Variants in TPTE observed in about 807,000 individuals in gnomAD.
TPTE encodes putative tyrosine-protein phosphatase TPTE.
Under a neutral mutation model 84.1 loss-of-function variants are expected in TPTE, and 59 were observed. The ratio of observed to expected loss-of-function variants is 0.70; its 90% CI spans 0.57 to 0.87. TPTE has a LOEUF of 0.87. Ranked by LOEUF, TPTE falls within the 40% of genes least tolerant of loss-of-function variation. The pLI, the probability that TPTE is intolerant of heterozygous loss-of-function variation, is 0.00. For missense variants in TPTE, 382 were observed against 659.6 expected, an observed-to-expected ratio of 0.58 and a Z score of 4.61; for synonymous variants, 130 against 223.5, an observed-to-expected ratio of 0.58 and a Z score of 3.73.
intron 17 of TPTE, among the ~76,000 whole-genome samples, chr21:10,589,709 T>C (rs1180718305): frequency 6.6e-6 from 1 of 152,308 alleles, no homozygotes; most frequent in Non-Finnish European, 1.5e-5. Flanking sequence ...AGAGGGATGC[T>C]GTCTGCCTGT....
At chr21:10,577,122 A>C (rs2075171662) in intron 14 of TPTE, among the ~76,000 whole-genome samples, 1 of 152,308 alleles carries the variant, frequency 6.6e-6, no homozygotes, top group African/African-American at 2.4e-5. Flanking sequence ...AACGAATATG[A>C]ATTAGATTTA....
intron 1 of TPTE, among the ~76,000 whole-genome samples, chr21:10,523,168 A>G (rs1392029546): frequency 6.6e-6 from 1 of 152,308 alleles, no homozygotes. Flanking sequence ...CATTACATAC[A>G]AAAGAAAAAA....
At chr21:10,558,410 A>T (rs1429006398) in intron 8 of TPTE, among the ~76,000 whole-genome samples, 1 of 152,306 alleles carries the variant, frequency 6.6e-6, no homozygotes, top group Admixed American at 6.5e-5. Context: ...CCTTGCCCGC[A>T]TCTGTTATTT....
chr21:10,534,697 T>C (rs1189217029), intron 3 of TPTE, among the ~76,000 whole-genome samples: 68 of 152,402 alleles, frequency 4.5e-4, no homozygotes, highest in Admixed American at 4.3e-3. Context: ...TTCATAAAGA[T>C]ACACACAAAT....
At chr21:10,553,619 T>A (rs2074622449) in intron 8 of TPTE, among the ~76,000 whole-genome samples, 1 of 152,312 alleles carries the variant, frequency 6.6e-6, no homozygotes, top group Non-Finnish European at 1.5e-5. Flanking sequence ...TCATTTTATT[T>A]TATTTTTAAA....
At chr21:10,547,956 C>G (rs1333858366) in intron 7 of TPTE, among the ~76,000 whole-genome samples, 1 of 152,310 alleles carries the variant, frequency 6.6e-6, no homozygotes. Flanking sequence ...CTGATACACC[C>G]ACAGGTCAAC....
rs545344460 is a variant in TPTE, at chr21:10,572,537, G to A, written c.795+1988G>A. 7.2e-5 allele frequency among the ~76,000 whole-genome samples: 11 copies of A among 152,144 alleles called. No homozygotes were observed. The East Asian group carries it at 9.7e-4, about 13-fold the overall frequency. On this transcript the variant is annotated intron_variant, in intron 14 of 23. Transcript: ENST00000618007. ...ATATAAGGGAAACTCCATTTGATTA[G>A]CAGTAGATTTCCCAGTGGAAACTTT...
At chr21:10,558,800 A>G (rs1404072955) in intron 8 of TPTE, among the ~76,000 whole-genome samples, 1 of 152,200 alleles carries the variant, frequency 6.6e-6, no homozygotes, top group Non-Finnish European at 1.5e-5. Context: ...AGGAGGCTTC[A>G]GTAGGACAAA....
chr21:10,547,134 T>C (rs1420729405), intron 7 of TPTE, among the ~76,000 whole-genome samples: 2 of 152,302 alleles, frequency 1.3e-5, no homozygotes, highest in African/African-American at 2.4e-5. Flanking sequence ...CAACAATCAT[T>C]GACTATTCTG....
intron 9 of TPTE, 28 bp downstream of exon 9, chr21:10,559,572 A>G (rs371634088): frequency 5.6e-6 from 9 of 1,611,974 alleles, no homozygotes; most frequent in African/African-American, 2.7e-5. Flanking sequence ...AACACCATGT[A>G]TTAAATATAT....
At chr21:10,533,532 T>A (rs1175309070) in intron 3 of TPTE, among the ~76,000 whole-genome samples, 1 of 152,308 alleles carries the variant, frequency 6.6e-6, no homozygotes, top group African/African-American at 2.4e-5. Flanking sequence ...TTGGCTACTC[T>A]GGTCATTTGT....
rs1176703879 is a variant in TPTE at position 10,542,465 on chromosome 21, T to A, written c.119+17T>A. The A allele has an allele frequency of 1.9e-6, 3 of 1,609,848 alleles. No individual in the cohort carries two copies. The highest frequency in any genetic ancestry group is 2.5e-6 in the Non-Finnish European group (3 of 1,177,104). ...GAAAGAAAGGTGAGCAATAAATAGT[T>A]AAAGTCACCCGTCAGCATAAGTGTG... On this transcript the variant is annotated intron_variant, in intron 6 of 23. Transcript: ENST00000618007.
chr21:10,551,602 T>C (rs1296144187), intron 7 of TPTE, among the ~76,000 whole-genome samples: 1 of 152,272 alleles, frequency 6.6e-6, no homozygotes, highest in African/African-American at 2.4e-5. Context: ...AATAAACACA[T>C]TTGAGGCAAA....
At chr21:10,561,522 A>G (rs1315185564) in intron 10 of TPTE, among the ~76,000 whole-genome samples, 4 of 152,292 alleles carry the variant, frequency 2.6e-5, no homozygotes, top group African/African-American at 9.6e-5. Flanking sequence ...ATTTTAAAAT[A>G]ATTAACGGGA....
At chr21:10,586,123 T>G (rs2075360667) in intron 17 of TPTE, among the ~76,000 whole-genome samples, 1 of 152,308 alleles carries the variant, frequency 6.6e-6, no homozygotes, top group African/African-American at 2.4e-5. Flanking sequence ...TTGGGTTAAT[T>G]TGTTCTTTTC....
chr21:10,551,480 T>C (rs60530249), intron 7 of TPTE, among the ~76,000 whole-genome samples: 1 of 152,230 alleles, frequency 6.6e-6, no homozygotes, highest in Non-Finnish European at 1.5e-5. Context: ...TCAAAAAAAC[T>C]AGAAAACTTT....
intron 3 of TPTE, among the ~76,000 whole-genome samples, chr21:10,528,066 C>G (rs1030868221): frequency 3.3e-5 from 5 of 152,300 alleles, no homozygotes; most frequent in African/African-American, 1.2e-4. Flanking sequence ...GAGTCCTAAA[C>G]AATTTTTATT....
intron 10 of TPTE, among the ~76,000 whole-genome samples, chr21:10,563,743 A>C (rs1393726543): frequency 3.3e-5 from 5 of 152,312 alleles, no homozygotes; most frequent in Non-Finnish European, 5.9e-5. Flanking sequence ...AGAAGACCCC[A>C]AAACAACCAG....
chr21:10,560,852 A>G (rs1330884070), intron 9 of TPTE, among the ~76,000 whole-genome samples, 178 bp from the exon 10 acceptor site: 5 of 152,306 alleles, frequency 3.3e-5, no homozygotes, highest in Non-Finnish European at 7.3e-5. Context: ...CTATTGGGTG[A>G]AAACAGTGAT....
Sources: gnomAD v4.1 joint callset for allele counts (sites outside exome capture counted in the v4.1 genomes callset) on GRCh38, gnomAD v4.1.1 for gene constraint, MANE v1.5 for transcripts, NCBI Gene and HGNC (gene_info 2026-07-23, HGNC 2026-07-21) for gene names.